PCDH11X: variants seen among roughly 807,000 people sequenced by gnomAD.
The protein encoded by PCDH11X is protocadherin 11 X-linked.
In PCDH11X, 18 loss-of-function variants were observed where a neutral mutation model predicts 53.3. The ratio of observed to expected loss-of-function variants is 0.34; its 90% CI spans 0.23 to 0.50. The LOEUF (loss-of-function observed/expected upper bound fraction) is 0.50, where lower values mean the gene tolerates loss of function less well. PCDH11X is among the 20% of genes least tolerant of loss of function. The pLI, the probability that PCDH11X is intolerant of heterozygous loss-of-function variation, is 0.98. For missense variants in PCDH11X, 570 were observed against 1,032.4 expected (o/e 0.55, Z 6.14); for synonymous variants, 279 against 393.3 (o/e 0.71, Z 3.44).
At chrX:92,613,456 G>T (rs1046557056) in intron 10 of PCDH11X, among the ~76,000 whole-genome samples, 8 of 110,343 alleles carry the variant, frequency 7.3e-5, no homozygotes, top group African/African-American at 2.6e-4. Context: ...TTTCTGCTGA[G>T]AAGTTCACTG....
At chrX:92,376,407 G>A (rs1440953335) in intron 8 of PCDH11X, among the ~76,000 whole-genome samples, 4 of 112,002 alleles carry the variant, frequency 3.6e-5, no homozygotes, top group Non-Finnish European at 7.5e-5. Flanking sequence ...AGAGGAGCAT[G>A]AAAACTAACA....
chrX:92,328,254 A>G (rs2069382993), intron 8 of PCDH11X, among the ~76,000 whole-genome samples: 1 of 110,844 alleles, frequency 9.0e-6, no homozygotes, highest in Non-Finnish European at 1.9e-5. Flanking sequence ...TAGTAAATTC[A>G]TCTCCTGGAA....
chrX:92,261,256 T>G (rs1379029672), intron 7 of PCDH11X, among the ~76,000 whole-genome samples: 1 of 111,606 alleles, frequency 9.0e-6, no homozygotes, highest in Non-Finnish European at 1.9e-5. Flanking sequence ...AAGACTATCG[T>G]TTTAATATTT....
intron 10 of PCDH11X, among the ~76,000 whole-genome samples, chrX:92,481,344 C>T (rs6615403): frequency 0.33 from 36,446 of 109,239 alleles, 5,030 homozygotes; most frequent in East Asian, 0.47. Flanking sequence ...CGAGGGGACA[C>T]GGAATGCAAA....
At chrX:92,275,643 T>C (rs2068070500) in intron 8 of PCDH11X, among the ~76,000 whole-genome samples, 1 of 111,692 alleles carries the variant, frequency 9.0e-6, no homozygotes, top group Non-Finnish European at 1.9e-5. Context: ...GGCAAAACAA[T>C]TTGGTTGATA....
intron 6 of PCDH11X, among the ~76,000 whole-genome samples, chrX:92,062,240 G>A (rs1323203080): frequency 9.0e-6 from 1 of 110,903 alleles, no homozygotes; most frequent in African/African-American, 3.3e-5. Flanking sequence ...GGCTTCCTAG[G>A]TATAGAATGA....
intron 6 of PCDH11X, among the ~76,000 whole-genome samples, chrX:91,929,358 A>C (rs1187623267): frequency 9.0e-6 from 1 of 110,537 alleles, no homozygotes; most frequent in African/African-American, 3.3e-5. Context: ...AGTTCTTACT[A>C]TGTGCCAGGT....
At position 92,618,882 on chromosome X, in the gene PCDH11X, G is replaced by A. The variant is rs753981444; in HGVS notation, c.3986G>A (p.Arg1329His). The stretch of plus-strand genomic sequence containing the variant: ...ATTCCTTTGACAACCTTCACTCCAC[G>A]CCAACAGGCCAGACCGTCCAGAGGT... The part of the protein sequence containing the change: ...KVIPLTTFTP[R>H]QQARPSRGDS... Residue 1329 changes from arginine to histidine, a missense_variant, in exon 11 of 11, where the codon CGC becomes CAC. Arg to His is a conservative substitution (Grantham distance 29). Around this residue, in one of 6 missense-constraint regions of PCDH11X, gnomAD observed 234 missense variants for 296.1 expected, o/e 0.79. Transcript: ENST00000682573. 5 of 1,211,777 alleles carry A rather than the reference G, an allele frequency of 4.1e-6. No individual in the cohort carries two copies. The highest frequency in any genetic ancestry group is 3.4e-6 in the Non-Finnish European group (3 of 895,457).
At chrX:92,500,412 G>C (rs778199888) in intron 10 of PCDH11X, among the ~76,000 whole-genome samples, 2 of 110,479 alleles carry the variant, frequency 1.8e-5, no homozygotes, top group South Asian at 3.8e-4. Flanking sequence ...TATATTTCCA[G>C]TTGGTTTTCT....
intron 8 of PCDH11X, among the ~76,000 whole-genome samples, chrX:92,310,518 A>G (rs185319253): frequency 7.4e-4 from 82 of 110,808 alleles, no homozygotes; most frequent in Middle Eastern, 4.6e-3. Context: ...CCTCCTAAGT[A>G]GCTGGGATTA....
At chrX:92,159,288 G>A (rs1034294037) in intron 6 of PCDH11X, among the ~76,000 whole-genome samples, 2 of 109,788 alleles carry the variant, frequency 1.8e-5, no homozygotes, top group Non-Finnish European at 3.8e-5. Context: ...GAGGTTTGCT[G>A]TGTTCTCTCT....
At chrX:92,609,942 A>G in intron 10 of PCDH11X, among the ~76,000 whole-genome samples, 1 of 111,637 alleles carries the variant, frequency 9.0e-6, no homozygotes, top group Non-Finnish European at 1.9e-5. Flanking sequence ...TCTTTTAAAG[A>G]CTGCGTATAT....
intron 6 of PCDH11X, among the ~76,000 whole-genome samples, chrX:91,970,168 T>C (rs1386742404): frequency 9.0e-6 from 1 of 111,079 alleles, no homozygotes; most frequent in Non-Finnish European, 1.9e-5. Flanking sequence ...GTTACAGCTC[T>C]TTAAGGCAGT....
intron 10 of PCDH11X, among the ~76,000 whole-genome samples, chrX:92,558,891 A>G (rs969654761): frequency 9.1e-6 from 1 of 110,246 alleles, no homozygotes; most frequent in Non-Finnish European, 1.9e-5. Context: ...GTCAAACATA[A>G]TTATCTTTGC....
At chrX:92,462,046 T>C (rs991582934) in intron 9 of PCDH11X, among the ~76,000 whole-genome samples, 1 of 112,057 alleles carries the variant, frequency 8.9e-6, no homozygotes, top group Non-Finnish European at 1.9e-5. Flanking sequence ...AATTTTTAAA[T>C]TAGTTTGTAA....
At chrX:92,406,966 C>T (rs2071535596) in intron 9 of PCDH11X, among the ~76,000 whole-genome samples, 1 of 97,095 alleles carries the variant, frequency 1.0e-5, no homozygotes, top group African/African-American at 3.8e-5. Context: ...ATTGAACTCT[C>T]AGAGTTGTGA....
At chrX:92,602,146 G>A (rs1926299375) in intron 10 of PCDH11X, among the ~76,000 whole-genome samples, 1 of 110,837 alleles carries the variant, frequency 9.0e-6, no homozygotes, top group Non-Finnish European at 1.9e-5. Context: ...TTGCCCAGGG[G>A]ATGATAAATA....
intron 8 of PCDH11X, among the ~76,000 whole-genome samples, chrX:92,306,807 G>A (rs1174825976): frequency 1.8e-5 from 2 of 110,546 alleles, no homozygotes; most frequent in East Asian, 2.9e-4. Context: ...CAAATTAGCC[G>A]AGCGTGGTCG....
At chrX:92,324,560 T>C (rs1202790384) in intron 8 of PCDH11X, among the ~76,000 whole-genome samples, 1 of 107,207 alleles carries the variant, frequency 9.3e-6, no homozygotes, top group East Asian at 3.0e-4. Flanking sequence ...AAATAATGTT[T>C]ATATAAAATT....
Sources: allele counts gnomAD v4.1 joint callset (sites outside exome capture counted in the v4.1 genomes callset), GRCh38; gene constraint gnomAD v4.1.1; regional missense constraint gnomAD v4.1.1; transcripts MANE v1.5; gene names NCBI Gene and HGNC (gene_info 2026-07-23, HGNC 2026-07-21).